Variants in ROBO2 observed in about 807,000 individuals in gnomAD.
ROBO2 encodes roundabout homolog 2.
In ROBO2, 53 loss-of-function variants were observed where a neutral mutation model predicts 160.8. The observed-to-expected ratio is 0.33, with a 90% CI of 0.26 to 0.41. ROBO2 has a LOEUF of 0.41. Ranked by LOEUF, ROBO2 falls within the 10% of genes least tolerant of loss-of-function variation. ROBO2 has a pLI of 1.00. For synonymous variants in ROBO2, 664 were observed against 611.7 expected (o/e 1.09, Z -1.26); for missense variants, 1,577 against 1,722.4 (o/e 0.92, Z 1.49).
At chr3:76,380,492 G>C (rs1027572203) in intron 2 of ROBO2, among the ~76,000 whole-genome samples, 25 of 152,020 alleles carry the variant, frequency 1.6e-4, no homozygotes, top group African/African-American at 6.0e-4. Context: ...GTGTCTCCCA[G>C]CCCAAGACAG....
intron 1 of ROBO2, among the ~76,000 whole-genome samples, chr3:75,935,379 G>T (rs984743085): frequency 1.3e-4 from 20 of 152,132 alleles, no homozygotes; most frequent in African/African-American, 4.8e-4. Context: ...GGGGATGGTG[G>T]TGCGTGCCTG....
At chr3:76,046,572 C>T (rs1370524852) in intron 2 of ROBO2, among the ~76,000 whole-genome samples, 1 of 151,936 alleles carries the variant, frequency 6.6e-6, no homozygotes, top group African/African-American at 2.4e-5. Flanking sequence ...GGCGTGAACC[C>T]GGGAGGCGGA....
At chr3:76,854,909 A>G (rs907025255) in intron 2 of ROBO2, among the ~76,000 whole-genome samples, 2 of 152,200 alleles carry the variant, frequency 1.3e-5, no homozygotes, top group Non-Finnish European at 2.9e-5. Flanking sequence ...TATCCGAACC[A>G]AAAGAACCTA....
At chr3:76,945,162 T>C (rs538669112) in intron 2 of ROBO2, among the ~76,000 whole-genome samples, 40 of 152,178 alleles carry the variant, frequency 2.6e-4, no homozygotes, top group African/African-American at 8.9e-4. Context: ...TGCTGGCTTT[T>C]AACAGCAGAA....
intron 2 of ROBO2, among the ~76,000 whole-genome samples, chr3:77,322,861 TTATAA>T (rs1381408617): frequency 9.6e-6 from 1 of 103,722 alleles, no homozygotes; most frequent in Non-Finnish European, 1.7e-5. Context: ...TACATATGTA[TTATAA>T]TATATTATGT....
At chr3:76,757,575 T>C (rs773075920) in intron 2 of ROBO2, among the ~76,000 whole-genome samples, 2 of 148,282 alleles carry the variant, frequency 1.3e-5, no homozygotes, top group African/African-American at 5.0e-5. Context: ...ATCTTACAAC[T>C]GCAGCAGCCC....
chr3:76,916,358 T>G (rs1248912037), intron 2 of ROBO2, among the ~76,000 whole-genome samples: 22 of 152,072 alleles, frequency 1.4e-4, no homozygotes, highest in Admixed American at 1.4e-3. Flanking sequence ...GTACCTTTTT[T>G]GGAGACAGGG....
chr3:76,197,478 A>C (rs112659734), intron 2 of ROBO2, among the ~76,000 whole-genome samples: 10 of 151,304 alleles, frequency 6.6e-5, no homozygotes, highest in Admixed American at 4.6e-4. Flanking sequence ...CAATCTCTCT[A>C]TAGATTTGGA....
chr3:76,995,204 G>T (rs1429830744), intron 2 of ROBO2, among the ~76,000 whole-genome samples: 1 of 149,448 alleles, frequency 6.7e-6, no homozygotes, highest in Non-Finnish European at 1.5e-5. Context: ...GCGGTGTTTG[G>T]TTTTCTGTCT....
intron 2 of ROBO2, among the ~76,000 whole-genome samples, chr3:77,140,177 G>C (rs887912215): frequency 6.6e-6 from 1 of 152,190 alleles, no homozygotes; most frequent in African/African-American, 2.4e-5. Flanking sequence ...TGACCTCGTA[G>C]TGCCTTAGAC....
At chr3:76,018,107 A>C (rs2066456721) in intron 2 of ROBO2, among the ~76,000 whole-genome samples, 1 of 152,002 alleles carries the variant, frequency 6.6e-6, no homozygotes, top group African/African-American at 2.4e-5. Flanking sequence ...GGAGATAGCA[A>C]ATGGGGGATA....
At chr3:76,235,286 C>T (rs188156894) in intron 2 of ROBO2, among the ~76,000 whole-genome samples, 40 of 152,128 alleles carry the variant, frequency 2.6e-4, no homozygotes, top group Non-Finnish European at 4.7e-4. Flanking sequence ...ACCGCCCCAC[C>T]GCCCAACACA....
chr3:77,061,251 A>C (rs1447147322), intron 1 of ROBO2, among the ~76,000 whole-genome samples: 1 of 152,176 alleles, frequency 6.6e-6, no homozygotes, highest in Non-Finnish European at 1.5e-5. Context: ...GAGAAGTCTG[A>C]AGGTCAGTCT....
Position 76,441,827 on chromosome 3 carries a change from C to T in ROBO2, c.109+504225C>T, listed in dbSNP as rs1185032810. 2.0e-5 allele frequency among the ~76,000 whole-genome samples: 3 copies of T among 152,196 alleles called. 1 individual carries two copies. Among genetic ancestry groups the T allele is most frequent in the Admixed American group, 2.0e-4 (3 of 15,272 alleles). On this transcript the variant is annotated intron_variant, in intron 2 of 26. Coordinates refer to the ROBO2 transcript ENST00000487694. ...TAGGCTGAATTGTCTAATATCCAGT[C>T]GCAGCTGCTAGGCTGGCTTTGTCCC...
chr3:77,437,181 A>T (rs1175430860), intron 2 of ROBO2, among the ~76,000 whole-genome samples: 2 of 152,046 alleles, frequency 1.3e-5, no homozygotes, highest in Admixed American at 1.3e-4. Context: ...CAATAGCATA[A>T]AGCCAGTTCA....
chr3:77,075,849 T>C (rs998682036), intron 1 of ROBO2, among the ~76,000 whole-genome samples: 1 of 151,776 alleles, frequency 6.6e-6, no homozygotes, highest in Non-Finnish European at 1.5e-5. Context: ...GGCTAATTTT[T>C]GTATTTTTAG....
chr3:76,627,735 T>C (rs190001935), intron 2 of ROBO2, among the ~76,000 whole-genome samples: 3 of 152,312 alleles, frequency 2.0e-5, no homozygotes, highest in East Asian at 3.9e-4. Context: ...AGGAATGTAA[T>C]AGGAGTTCAA....
At chr3:77,243,933 A>G (rs2089383478) in intron 2 of ROBO2, among the ~76,000 whole-genome samples, 1 of 152,230 alleles carries the variant, frequency 6.6e-6, no homozygotes. Context: ...CTTATAGACA[A>G]GGACCATATT....
chr3:77,206,707 A>G (rs753815981), intron 2 of ROBO2, among the ~76,000 whole-genome samples: 1 of 152,126 alleles, frequency 6.6e-6, no homozygotes, highest in Non-Finnish European at 1.5e-5. Context: ...TTTTAATGCT[A>G]GCCTTTTTTG....
Sources: allele counts gnomAD v4.1 joint callset (sites outside exome capture counted in the v4.1 genomes callset), GRCh38; gene constraint gnomAD v4.1.1; transcripts MANE v1.5; gene names NCBI Gene and HGNC (gene_info 2026-07-23, HGNC 2026-07-21).